The following BTD variants were observed in gnomAD, a reference collection of about 807,000 sequenced individuals.
The protein encoded by BTD is biotinidase, also known as biocytinase.
A neutral mutation model predicts 17.7 loss-of-function variants in BTD; 13 were observed. The observed-to-expected ratio is 0.74, with a 90% CI of 0.48 to 1.17. The LOEUF (loss-of-function observed/expected upper bound fraction) is 1.17, where lower values mean the gene tolerates loss of function less well. BTD is among the 50% of genes most tolerant of loss of function. The pLI, the probability that BTD is intolerant of heterozygous loss-of-function variation, is 0.00. For synonymous variants in BTD, 240 were observed against 245.2 expected, an observed-to-expected ratio of 0.98 and a Z score of 0.20; for missense variants, 674 against 650.4, an observed-to-expected ratio of 1.04 and a Z score of -0.39.
intron 3 of BTD, among the ~76,000 whole-genome samples, chr3:15,697,693 G>T (rs796941601): frequency 2.0e-5 from 3 of 152,258 alleles, no homozygotes; most frequent in African/African-American, 7.2e-5. Flanking sequence ...GTTCATCAGG[G>T]ATATTGGCCT....
At chr3:15,697,793 T>C (rs191652125) in intron 3 of BTD, among the ~76,000 whole-genome samples, 68 of 152,318 alleles carry the variant, frequency 4.5e-4, no homozygotes, top group Non-Finnish European at 1.9e-4. Context: ...TTGGAATAGT[T>C]TCAGAAGGAA....
chr3:15,714,092 G>GAA (rs552216179), downstream of BTD, among the ~76,000 whole-genome samples: 193 of 152,184 alleles, frequency 1.3e-3, no homozygotes, highest in African/African-American at 4.1e-3. Context: ...ATATGCCTTG[G>GAA]AAAACACTGA....
At chr3:15,710,749 A>C (rs1484427177) in exon 4 of BTD, among the ~76,000 whole-genome samples, 3 of 152,092 alleles carry the variant, frequency 2.0e-5, no homozygotes, top group Non-Finnish European at 4.4e-5. Flanking sequence ...GTACTATTTA[A>C]AACTTAGTCC....
chr3:15,674,248 G>T (rs1236256404), intron 3 of BTD, among the ~76,000 whole-genome samples: 1 of 146,534 alleles, frequency 6.8e-6, no homozygotes, highest in African/African-American at 2.5e-5. Context: ...ACTTTAAAAG[G>T]ATCCAGGTCA....
intron 2 of BTD, among the ~76,000 whole-genome samples, chr3:15,637,095 C>A (rs568038293): frequency 6.6e-6 from 1 of 152,146 alleles, no homozygotes; most frequent in Non-Finnish European, 1.5e-5. Context: ...TCCCTTATCA[C>A]GGCATGCCAT....
intron 3 of BTD, among the ~76,000 whole-genome samples, chr3:15,704,111 C>T (rs1384498426): frequency 6.6e-6 from 1 of 152,068 alleles, no homozygotes; most frequent in African/African-American, 2.4e-5. Flanking sequence ...CTGCAACAGG[C>T]AAATATAATT....
At chr3:15,713,683 GA>G (rs757065711), downstream of BTD, 1 of 1,342,742 alleles carries the variant, frequency 7.4e-7, no homozygotes, top group East Asian at 2.5e-5. Flanking sequence ...ACCATATAAA[GA>G]TCAGGTCAAA....
chr3:15,643,209 A>T (rs950663073), intron 3 of BTD, among the ~76,000 whole-genome samples: 1 of 152,188 alleles, frequency 6.6e-6, no homozygotes, highest in African/African-American at 2.4e-5. Context: ...AAGATAGAAT[A>T]ATCTTTTGAG....
At chr3:15,688,051 A>C (rs1401850376) in intron 3 of BTD, among the ~76,000 whole-genome samples, 2 of 152,222 alleles carry the variant, frequency 1.3e-5, no homozygotes, top group African/African-American at 2.4e-5. Context: ...ATAGGCACTA[A>C]GAGTAACCTG....
intron 4 of BTD, chr3:15,721,255 A>C (rs2073694270): frequency 1.7e-5 from 13 of 753,122 alleles, no homozygotes; most frequent in Non-Finnish European, 2.8e-5. Flanking sequence ...ATAAGTACAG[A>C]GATAAGGCTT....
intron 3 of BTD, chr3:15,668,901 C>T (rs1487199814): frequency 1.3e-5 from 2 of 152,598 alleles, no homozygotes; most frequent in South Asian, 4.1e-4. Flanking sequence ...TAGAACTTTA[C>T]CCATACCTGT....
At chr3:15,687,377 A>C (rs2068256847) in intron 3 of BTD, among the ~76,000 whole-genome samples, 1 of 152,156 alleles carries the variant, frequency 6.6e-6, no homozygotes, top group African/African-American at 2.4e-5. Flanking sequence ...GATCCATCTA[A>C]AGAATGCATG....
At chr3:15,659,972 CTGTT>C (rs1174941444) in intron 3 of BTD, among the ~76,000 whole-genome samples, 2 of 152,232 alleles carry the variant, frequency 1.3e-5, no homozygotes, top group Non-Finnish European at 2.9e-5. Context: ...AGATTCTAGA[CTGTT>C]TATTATTTCA....
chr3:15,694,727 G>A (rs2069286340), intron 3 of BTD: 2 of 1,610,708 alleles, frequency 1.2e-6, no homozygotes, highest in Non-Finnish European at 1.7e-6. Context: ...CGGCTATGAA[G>A]GCAGTACTCA....
intron 4 of BTD, chr3:15,721,197 G>A: frequency 2.2e-6 from 3 of 1,346,104 alleles, no homozygotes; most frequent in African/African-American, 1.5e-5. Context: ...AGCTATTTTA[G>A]CAACCTGTGG....
intron 1 of BTD, among the ~76,000 whole-genome samples, chr3:15,628,396 C>T (rs1277823588): frequency 4.6e-5 from 7 of 152,234 alleles, no homozygotes; most frequent in Non-Finnish European, 1.5e-5. Context: ...CTGAGCACAT[C>T]TTCCCTGAAA....
At position 15,645,454 on chromosome 3, in the gene BTD, C is replaced by T. The variant is rs563916173; in HGVS notation, c.1538C>T (p.Ala513Val). 1.3e-5 allele frequency: 21 copies of T among 1,611,322 alleles called. No homozygotes were observed. Among genetic ancestry groups the T allele is most frequent in the African/African-American group, 8.0e-5 (6 of 74,904 alleles). Residue 513 changes from alanine (A) to valine (V), a missense_variant, in exon 4 of 4, where the codon GCG becomes GTG. Ala to Val is a moderately conservative substitution (Grantham distance 64). Coordinates refer to ENST00000643237, the MANE Select transcript of BTD (RefSeq NM_001370658.1). Reference sequence around the variant, plus strand: ...AGGCTGTCCTCTGGGCTGGTGACGGCGGCTCTCTATGGGCGCTTGTATGAG... The same window carrying T: ...AGGCTGTCCTCTGGGCTGGTGACGGTGGCTCTCTATGGGCGCTTGTATGAG... ...KSRLSSGLVTAALYGRLYERD is the reference protein window; with the variant it reads ...KSRLSSGLVTVALYGRLYERD
At chr3:15,622,044 C>G (rs946796484) in intron 1 of BTD, among the ~76,000 whole-genome samples, 1 of 152,018 alleles carries the variant, frequency 6.6e-6, no homozygotes, top group Non-Finnish European at 1.5e-5. Flanking sequence ...TGTGTCTTCT[C>G]TATTTTTTTT....
At chr3:15,712,268 A>T in exon 4 of BTD, 1 of 1,423,278 alleles carries the variant, frequency 7.0e-7, no homozygotes, top group Non-Finnish European at 9.7e-7. Flanking sequence ...AACACAAGAA[A>T]AATACAATCA....
Sources: gnomAD v4.1 joint callset for allele counts (sites outside exome capture counted in the v4.1 genomes callset) on GRCh38, gnomAD v4.1.1 for gene constraint, MANE v1.5 for transcripts, NCBI Gene and HGNC (gene_info 2026-07-23, HGNC 2026-07-21) for gene names.